The following CNTNAP2 variants were observed in gnomAD, a reference collection of about 807,000 sequenced individuals.
The protein encoded by CNTNAP2 is contactin-associated protein-like 2.
CNTNAP2 carries 98 observed loss-of-function variants against 155.2 expected under a neutral mutation model. That is an observed-to-expected ratio of 0.63 (90% confidence interval 0.54 to 0.75). The LOEUF is 0.75. CNTNAP2 is among the 30% of genes least tolerant of loss of function. The pLI, the probability that CNTNAP2 is intolerant of heterozygous loss-of-function variation, is 0.00. For synonymous variants in CNTNAP2, 651 were observed against 631.2 expected (o/e 1.03, Z -0.47); for missense variants, 1,727 against 1,688.1 (o/e 1.02, Z -0.40).
intron 13 of CNTNAP2, among the ~76,000 whole-genome samples, chr7:147,695,647 C>CA: frequency 6.6e-6 from 1 of 151,954 alleles, no homozygotes; most frequent in East Asian, 1.9e-4. Context: ...ACTGAAAATA[C>CA]AAAAAATAGC....
intron 15 of CNTNAP2, among the ~76,000 whole-genome samples, chr7:147,981,983 A>T (rs1324880429): frequency 1.3e-5 from 2 of 152,206 alleles, no homozygotes; most frequent in Non-Finnish European, 2.9e-5. Context: ...CCTAGAAAGA[A>T]ACAAAAGAAC....
At chr7:147,381,786 A>G (rs1007203798) in intron 9 of CNTNAP2, among the ~76,000 whole-genome samples, 1 of 152,068 alleles carries the variant, frequency 6.6e-6, no homozygotes, top group Non-Finnish European at 1.5e-5. Flanking sequence ...AAATATCACT[A>G]TCTTTTAATG....
intron 1 of CNTNAP2, among the ~76,000 whole-genome samples, chr7:146,616,106 T>C (rs1472097350): frequency 6.6e-6 from 1 of 151,878 alleles, no homozygotes; most frequent in Non-Finnish European, 1.5e-5. Flanking sequence ...AGAAAGAGAA[T>C]CTAGAAGGAA....
At chr7:146,897,505 C>T (rs756985784) in intron 3 of CNTNAP2, among the ~76,000 whole-genome samples, 13 of 152,130 alleles carry the variant, frequency 8.5e-5, no homozygotes, top group Non-Finnish European at 1.3e-4. Flanking sequence ...TCGAGACCTA[C>T]GTTGTAGAAT....
At chr7:147,024,750 A>G (rs1320164241) in intron 3 of CNTNAP2, among the ~76,000 whole-genome samples, 3 of 152,192 alleles carry the variant, frequency 2.0e-5, no homozygotes, top group Non-Finnish European at 4.4e-5. Context: ...AGAAACAAGC[A>G]TGCAATTGGA....
chr7:147,628,172 C>A (rs540717016), intron 12 of CNTNAP2, among the ~76,000 whole-genome samples: 1 of 152,144 alleles, frequency 6.6e-6, no homozygotes, highest in Non-Finnish European at 1.5e-5. Flanking sequence ...TCACCTAGCA[C>A]ATAGTCATTA....
At chr7:146,272,393 G>C (rs1299557984) in intron 1 of CNTNAP2, among the ~76,000 whole-genome samples, 1 of 152,072 alleles carries the variant, frequency 6.6e-6, no homozygotes, top group Non-Finnish European at 1.5e-5. Context: ...GATCTGGGTG[G>C]AGACACAGAG....
At chr7:146,479,519 TAATA>T (rs1488213619) in intron 1 of CNTNAP2, among the ~76,000 whole-genome samples, 1 of 152,048 alleles carries the variant, frequency 6.6e-6, no homozygotes, top group African/African-American at 2.4e-5. Context: ...TGTATTTACA[TAATA>T]AATGAGATTA....
At position 146,457,306 on chromosome 7, in the gene CNTNAP2, T is replaced by C. The variant is rs190337889; in HGVS notation, c.98-316965T>C. On this transcript the variant is annotated intron_variant, in intron 1 of 23. Transcript: ENST00000361727. ...GAGGTACATAAACTATAGATAGTTA[T>C]GATTGTTTTAGAAGCTGAGGTAAAG... Among the ~76,000 whole-genome samples, 834 of 151,874 alleles carry C rather than the reference T, an allele frequency of 5.5e-3. 7 individuals carry two copies. Among genetic ancestry groups the C allele is most frequent in the Non-Finnish European group, 8.6e-3 (585 of 67,936 alleles).
chr7:147,382,844 G>C (rs767493819), intron 9 of CNTNAP2, among the ~76,000 whole-genome samples: 1 of 152,176 alleles, frequency 6.6e-6, no homozygotes, highest in African/African-American at 2.4e-5. Flanking sequence ...GAATGATGTA[G>C]TACATTGTCA....
intron 8 of CNTNAP2, among the ~76,000 whole-genome samples, chr7:147,299,652 C>G (rs1467804386): frequency 1.3e-5 from 2 of 152,050 alleles, no homozygotes; most frequent in African/African-American, 4.8e-5. Context: ...ATTTTAAAAA[C>G]AAAGACAGAC....
intron 1 of CNTNAP2, among the ~76,000 whole-genome samples, chr7:146,169,675 G>T (rs1250755974): frequency 7.4e-6 from 1 of 134,874 alleles, no homozygotes; most frequent in African/African-American, 2.9e-5. Flanking sequence ...GCTGTGATAT[G>T]ATTTTTTTTT....
intron 23 of CNTNAP2, among the ~76,000 whole-genome samples, chr7:148,413,446 A>ATT (rs1289336656): frequency 3.7e-5 from 4 of 108,142 alleles, no homozygotes; most frequent in African/African-American, 1.1e-4. Context: ...ATATATATAT[A>ATT]TTGCTCCATA....
At chr7:147,308,779 A>G (rs1795075263) in intron 9 of CNTNAP2, among the ~76,000 whole-genome samples, 1 of 152,140 alleles carries the variant, frequency 6.6e-6, no homozygotes, top group South Asian at 2.1e-4. Flanking sequence ...TGTCTCTTCT[A>G]GTTTCTTTTG....
intron 21 of CNTNAP2, among the ~76,000 whole-genome samples, chr7:148,354,683 CT>C (rs78922300): frequency 2.9e-3 from 422 of 144,420 alleles, no homozygotes; most frequent in Middle Eastern, 7.2e-3. Context: ...AAAAGGCTTT[CT>C]TTTTTTTTTT....
At chr7:146,463,231 CTA>C (rs1796665304) in intron 1 of CNTNAP2, among the ~76,000 whole-genome samples, 1 of 152,118 alleles carries the variant, frequency 6.6e-6, no homozygotes, top group South Asian at 2.1e-4. Context: ...ATAATCTATT[CTA>C]TGTTTCCTCA....
At chr7:147,731,629 GA>G (rs1448756377) in intron 13 of CNTNAP2, among the ~76,000 whole-genome samples, 3 of 152,102 alleles carry the variant, frequency 2.0e-5, no homozygotes, top group African/African-American at 7.2e-5. Flanking sequence ...TGAAGCCTGT[GA>G]ATCAAGGAGT....
chr7:147,664,750 G>T (rs1314646038), intron 13 of CNTNAP2, among the ~76,000 whole-genome samples: 1 of 152,062 alleles, frequency 6.6e-6, no homozygotes, highest in Non-Finnish European at 1.5e-5. Context: ...GGTCTTTCAT[G>T]GTCTGGCCCT....
In CNTNAP2 at chr7:146,275,123, C is replaced by T. The variant is rs543827909; in HGVS notation, c.97+158150C>T. 2.2e-3 allele frequency among the ~76,000 whole-genome samples: 331 copies of T among 152,280 alleles called. 4 individuals carry two copies. Among genetic ancestry groups the T allele is most frequent in the African/African-American group, 7.0e-3 (289 of 41,572 alleles). On this transcript the variant is annotated intron_variant, in intron 1 of 23. Transcript: ENST00000361727. ...CGCACTATGCATTTGGTTCAAACAT[C>T]GGATACAAGTGTCCATTGAAAGTCA...
Sources: gnomAD v4.1 joint callset for allele counts (sites outside exome capture counted in the v4.1 genomes callset) on GRCh38, gnomAD v4.1.1 for gene constraint, MANE v1.5 for transcripts, NCBI Gene and HGNC (gene_info 2026-07-23, HGNC 2026-07-21) for gene names.